LEMD1: variants seen among roughly 807,000 people sequenced by gnomAD.
LEMD1 encodes the protein LEM domain-containing protein 1.
A neutral mutation model predicts 17.4 loss-of-function variants in LEMD1; 18 were observed. The observed-to-expected ratio is 1.04, with a 90% CI of 0.72 to 1.54. LEMD1 has a LOEUF of 1.54. LEMD1 is among the 40% of genes most tolerant of loss of function. The pLI, the probability that LEMD1 is intolerant of heterozygous loss-of-function variation, is 0.00. For missense variants in LEMD1, 195 were observed against 210.4 expected (o/e 0.93, Z 0.45); for synonymous variants, 88 against 77.8 (o/e 1.13, Z -0.69).
intron 4 of LEMD1, among the ~76,000 whole-genome samples, chr1:205,389,294 C>T (rs143422845): frequency 0.025 from 3,872 of 152,082 alleles, 154 homozygotes; most frequent in African/African-American, 0.087. Context: ...AGTGATCCAC[C>T]CACCTCAGCC....
At chr1:205,389,817 T>A (rs1169770754) in intron 4 of LEMD1, among the ~76,000 whole-genome samples, 2 of 152,250 alleles carry the variant, frequency 1.3e-5, no homozygotes, top group Non-Finnish European at 2.9e-5. Flanking sequence ...AAAACTGAGT[T>A]AACTCCAAAT....
At chr1:205,412,417 T>C (rs946560249) in intron 4 of LEMD1, among the ~76,000 whole-genome samples, 4 of 152,218 alleles carry the variant, frequency 2.6e-5, no homozygotes, top group Admixed American at 2.0e-4. Context: ...AGCAGACACA[T>C]ACAGTGTTAA....
At chr1:205,407,329 C>CAAAA (rs1202450022) in intron 4 of LEMD1, among the ~76,000 whole-genome samples, 1 of 55,280 alleles carries the variant, frequency 1.8e-5, no homozygotes, top group Non-Finnish European at 3.5e-5. Context: ...GACCCCATCT[C>CAAAA]AAAAAAAAAA....
intron 1 of LEMD1, among the ~76,000 whole-genome samples, chr1:205,431,227 C>T (rs1666121797): frequency 6.6e-6 from 1 of 152,236 alleles, no homozygotes; most frequent in Non-Finnish European, 1.5e-5. Flanking sequence ...ACCCAGTTTT[C>T]AGTTCAATTT....
At position 205,411,851 on chromosome 1, in the gene LEMD1, A is replaced by G. The variant is rs375724091; in HGVS notation, c.270+4381T>C. On this transcript the variant is annotated intron_variant, in intron 4 of 5. Coordinates refer to ENST00000367153, the MANE Select transcript of LEMD1 (RefSeq NM_001199050.2). Reference sequence around the variant, plus strand: ...AACTGAGATTCTGGCAGGGACGAGCATGTTGTGCTTGGGAGAGGGTAAAGA... The same window carrying G: ...AACTGAGATTCTGGCAGGGACGAGCGTGTTGTGCTTGGGAGAGGGTAAAGA... 4.6e-5 allele frequency among the ~76,000 whole-genome samples: 7 copies of G among 152,296 alleles called. No individual in the cohort carries two copies. In the East Asian group the frequency reaches 5.8e-4, roughly 13 times the overall value.
At chr1:205,439,083 C>T (rs1055338230) in intron 1 of LEMD1, among the ~76,000 whole-genome samples, 5 of 152,168 alleles carry the variant, frequency 3.3e-5, no homozygotes, top group East Asian at 3.9e-4. Context: ...CGCAGGTGAC[C>T]GCTAGGGAAA....
At position 205,441,295 on chromosome 1, in the gene LEMD1, G is replaced by A. The variant is rs74141210; in HGVS notation, c.-39+8573C>T. On this transcript the variant is annotated intron_variant, in intron 1 of 3. Transcript: ENST00000367154. This position sits in a 1 kb window ranked among gnomAD's most constrained non-coding sequence, Gnocchi z 4.3. ...TGGAGCTGATGTCATTCCTCACATT[G>A]GAGACAGGGTGAGTCCAAGGGAGGA... 0.062 allele frequency among the ~76,000 whole-genome samples: 9,435 copies of A among 152,168 alleles called. 509 individuals carry two copies. Among genetic ancestry groups the A allele is most frequent in the African/African-American group, 0.14 (5,922 of 41,490 alleles).
In LEMD1 at chr1:205,448,711, G is replaced by C. The variant is rs1183825587; in HGVS notation, c.-39+1157C>G. Among the ~76,000 whole-genome samples the C allele has an allele frequency of 1.3e-5, 2 of 152,008 alleles. No homozygotes were observed. The stretch of plus-strand genomic sequence containing the variant: ...AATTAGCTTCCAGCCCCCTGCCCAG[G>C]GTCCTTAACTACCCCTTCCCTAGAG... On this transcript the variant is annotated intron_variant, in intron 1 of 3. Coordinates refer to the LEMD1 transcript ENST00000367154. The surrounding 1 kb of genome is among the most constrained non-coding windows in gnomAD (Gnocchi z 4.7).
chr1:205,422,247 G>C (rs2102446251), upstream of LEMD1, among the ~76,000 whole-genome samples: 1 of 152,302 alleles, frequency 6.6e-6, no homozygotes, highest in South Asian at 2.1e-4. Flanking sequence ...ACAATGTCAA[G>C]AGATGCGGAG....
upstream of LEMD1, among the ~76,000 whole-genome samples, chr1:205,425,688 G>A (rs757944684): frequency 2.6e-5 from 4 of 152,184 alleles, no homozygotes; most frequent in Non-Finnish European, 5.9e-5. Flanking sequence ...CTCAAATGCA[G>A]TGAAGGTTCT....
chr1:205,398,985 C>T (rs566536837), intron 4 of LEMD1, among the ~76,000 whole-genome samples: 45 of 152,090 alleles, frequency 3.0e-4, no homozygotes, highest in Admixed American at 3.9e-4. Context: ...GAGGCCAAGG[C>T]GGGTGGATCA....
At chr1:205,398,785 A>G (rs1664702691) in intron 4 of LEMD1, among the ~76,000 whole-genome samples, 2 of 152,106 alleles carry the variant, frequency 1.3e-5, no homozygotes, top group African/African-American at 4.8e-5. Context: ...AGGGACAGTG[A>G]GGGGAAGGAA....
intron 1 of LEMD1, among the ~76,000 whole-genome samples, chr1:205,444,558 G>C (rs114638220): frequency 0.011 from 1,631 of 152,234 alleles, 36 homozygotes; most frequent in African/African-American, 0.037. Flanking sequence ...TGGCAAAAAT[G>C]GGGCAGTGAG....
intron 1 of LEMD1, among the ~76,000 whole-genome samples, chr1:205,430,805 G>T (rs1666115782): frequency 6.6e-6 from 1 of 152,232 alleles, no homozygotes. Flanking sequence ...GCAGTGGGGC[G>T]CCCCGCCCCC....
intron 4 of LEMD1, among the ~76,000 whole-genome samples, chr1:205,404,323 T>A (rs548915670): frequency 2.9e-3 from 438 of 152,072 alleles, no homozygotes; most frequent in African/African-American, 6.9e-3. Flanking sequence ...CCCATTATTA[T>A]TGTGTGGGAG....
chr1:205,399,929 G>A (rs754261983), intron 4 of LEMD1, among the ~76,000 whole-genome samples: 7 of 152,234 alleles, frequency 4.6e-5, no homozygotes, highest in Non-Finnish European at 1.0e-4. Context: ...CACAGTGGAA[G>A]CTGATTCAGG....
At position 205,448,978 on chromosome 1, in the gene LEMD1, G is replaced by C. The variant is rs144452478; in HGVS notation, c.-39+890C>G. 7.6e-3 allele frequency among the ~76,000 whole-genome samples: 1,155 copies of C among 152,222 alleles called. 21 individuals are homozygous for C. Among genetic ancestry groups the C allele is most frequent in the Non-Finnish European group, 0.01 (694 of 67,990 alleles). On this transcript the variant is annotated intron_variant, in intron 1 of 3. Transcript: ENST00000367154. This position sits in a 1 kb window ranked among gnomAD's most constrained non-coding sequence, Gnocchi z 4.7. ...GGGCCAACCTACCCAGACCAGTCTG[G>C]GTGGTTACCGACAACACCCATTCTT... is the stretch of plus-strand genomic sequence containing the variant.
intron 1 of LEMD1, among the ~76,000 whole-genome samples, chr1:205,434,314 G>A (rs1666170392): frequency 6.9e-6 from 1 of 145,574 alleles, no homozygotes; most frequent in African/African-American, 2.5e-5. Context: ...TGGGACTACA[G>A]GTGAATGCTA....
At chr1:205,389,207 C>T (rs1490614080) in intron 4 of LEMD1, among the ~76,000 whole-genome samples, 1 of 151,840 alleles carries the variant, frequency 6.6e-6, no homozygotes, top group Non-Finnish European at 1.5e-5. Flanking sequence ...TGCCACCATG[C>T]CTGGCTAATT....
Sources: gnomAD v4.1 joint callset for allele counts (sites outside exome capture counted in the v4.1 genomes callset) on GRCh38, gnomAD v4.1.1 for gene constraint, Gnocchi (gnomAD v3.1) non-coding constraint, MANE v1.5 for transcripts, NCBI Gene and HGNC (gene_info 2026-07-23, HGNC 2026-07-21) for gene names.